Variants in KCNH7 observed in about 807,000 individuals in gnomAD.
KCNH7 encodes potassium voltage-gated channel subfamily H member 7.
KCNH7 carries 49 observed loss-of-function variants against 120.8 expected under a neutral mutation model. That is an observed-to-expected ratio of 0.41 (90% CI 0.32 to 0.51). KCNH7 has a LOEUF of 0.51. KCNH7 is among the 20% of genes least tolerant of loss of function. The pLI is 0.38. For synonymous variants in KCNH7, 547 were observed against 516.1 expected, an observed-to-expected ratio of 1.06 and a Z score of -0.81; for missense variants, 1,097 against 1,446.6, an observed-to-expected ratio of 0.76 and a Z score of 3.92.
At chr2:162,470,123 C>T (rs1292794082) in intron 6 of KCNH7, among the ~76,000 whole-genome samples, 7 of 152,288 alleles carry the variant, frequency 4.6e-5, no homozygotes, top group East Asian at 3.9e-4. Context: ...TCTACCCGGC[C>T]GCCACCCCGT....
chr2:162,412,254 A>G (rs1326553191), intron 9 of KCNH7, among the ~76,000 whole-genome samples: 2 of 152,118 alleles, frequency 1.3e-5, no homozygotes, highest in African/African-American at 4.8e-5. Context: ...GATATTTCAC[A>G]ATAAAGGTAA....
intron 9 of KCNH7, among the ~76,000 whole-genome samples, chr2:162,403,160 T>A (rs1687113107): frequency 6.6e-6 from 1 of 151,910 alleles, no homozygotes; most frequent in African/African-American, 2.4e-5. Context: ...TGGTCCAAAT[T>A]TATTGTTTCT....
intron 2 of KCNH7, among the ~76,000 whole-genome samples, chr2:162,582,377 C>G (rs754758238): frequency 2.0e-5 from 3 of 152,106 alleles, no homozygotes; most frequent in Admixed American, 6.5e-5. Flanking sequence ...AGCATTTAAC[C>G]CTTTAGTAGT....
chr2:162,423,986 C>A (rs1687783338), intron 8 of KCNH7, among the ~76,000 whole-genome samples: 1 of 152,032 alleles, frequency 6.6e-6, no homozygotes, highest in South Asian at 2.1e-4. Flanking sequence ...TTATTTCTGC[C>A]TTTCAGCCTC....
intron 2 of KCNH7, among the ~76,000 whole-genome samples, chr2:162,712,669 T>C (rs528996110): frequency 6.6e-5 from 10 of 152,312 alleles, no homozygotes; most frequent in Admixed American, 6.5e-4. Context: ...ATATCTATAG[T>C]GTCCTTTTTA....
At chr2:162,783,007 G>A (rs561668683) in intron 2 of KCNH7, among the ~76,000 whole-genome samples, 5 of 152,290 alleles carry the variant, frequency 3.3e-5, no homozygotes, top group African/African-American at 9.6e-5. Context: ...AGAGACACCT[G>A]GTGGGTCCTA....
chr2:162,711,003 A>T (rs535696516), intron 2 of KCNH7, among the ~76,000 whole-genome samples: 1 of 152,330 alleles, frequency 6.6e-6, no homozygotes, highest in Admixed American at 6.5e-5. Context: ...AACCACAGAA[A>T]AAAAAACTTA....
chr2:162,820,070 C>T (rs532804539), intron 2 of KCNH7, among the ~76,000 whole-genome samples: 8 of 126,760 alleles, frequency 6.3e-5, no homozygotes, highest in African/African-American at 2.5e-4. Context: ...GGTGGAGTCT[C>T]GCCCTGTCGC....
At chr2:162,677,046 G>T (rs1404593657) in intron 2 of KCNH7, among the ~76,000 whole-genome samples, 1 of 151,334 alleles carries the variant, frequency 6.6e-6, no homozygotes, top group Non-Finnish European at 1.5e-5. Context: ...CCCTTAACTT[G>T]TGTAATTGTT....
At position 162,537,092 on chromosome 2, in the gene KCNH7, A is replaced by G. The variant is rs779178062; in HGVS notation, c.308-12T>C. 1 of 1,585,668 alleles carries G rather than the reference A, an allele frequency of 6.3e-7. No individual in the cohort carries two copies. Among genetic ancestry groups the G allele is most frequent in the Non-Finnish European group, 8.6e-7 (1 of 1,160,494 alleles). ...AATAAAAGTGGACCCTAAGGAGATTAAAAATGAATGTTAGTTAAAAATATG... is the reference window on the plus strand; with the variant it reads ...AATAAAAGTGGACCCTAAGGAGATTGAAAATGAATGTTAGTTAAAAATATG... On this transcript the variant is annotated splice_polypyrimidine_tract_variant and intron_variant, in intron 2 of 15. Coordinates refer to ENST00000332142, the MANE Select transcript of KCNH7 (RefSeq NM_033272.4).
chr2:162,548,783 A>G (rs966852136), intron 2 of KCNH7, among the ~76,000 whole-genome samples: 1 of 152,230 alleles, frequency 6.6e-6, no homozygotes, highest in African/African-American at 2.4e-5. Flanking sequence ...TGTAAAATGG[A>G]TATGATAGTG....
At chr2:162,430,632 C>G (rs1317075760) in intron 8 of KCNH7, among the ~76,000 whole-genome samples, 1 of 151,962 alleles carries the variant, frequency 6.6e-6, no homozygotes, top group African/African-American at 2.4e-5. Flanking sequence ...TATTAATTTT[C>G]CAGTGCCTGA....
At chr2:162,700,103 T>G (rs973866061) in intron 2 of KCNH7, among the ~76,000 whole-genome samples, 1 of 152,164 alleles carries the variant, frequency 6.6e-6, no homozygotes, top group Non-Finnish European at 1.5e-5. Context: ...CTTCGTGTAT[T>G]TCCTTTCCTT....
intron 2 of KCNH7, among the ~76,000 whole-genome samples, chr2:162,581,248 A>G (rs1693856318): frequency 6.6e-6 from 1 of 152,072 alleles, no homozygotes; most frequent in Non-Finnish European, 1.5e-5. Flanking sequence ...AGGCAGATAG[A>G]CCCAAATTTT....
intron 2 of KCNH7, among the ~76,000 whole-genome samples, chr2:162,651,263 T>C (rs936047879): frequency 4.6e-5 from 7 of 152,220 alleles, no homozygotes; most frequent in Admixed American, 2.0e-4. Flanking sequence ...GTTTGCTACA[T>C]AGGTAAATTT....
intron 2 of KCNH7, among the ~76,000 whole-genome samples, chr2:162,659,424 C>T (rs1053295644): frequency 2.0e-5 from 3 of 151,788 alleles, no homozygotes; most frequent in South Asian, 2.1e-4. Flanking sequence ...TCACTGCAAC[C>T]TTTGCTTCCC....
intron 2 of KCNH7, among the ~76,000 whole-genome samples, chr2:162,584,900 G>A (rs1216332382): frequency 7.3e-6 from 1 of 137,050 alleles, no homozygotes; most frequent in Non-Finnish European, 1.5e-5. Context: ...TCAATCCCCA[G>A]CTTTTTTTTT....
At chr2:162,558,014 C>G (rs1692918047) in intron 2 of KCNH7, among the ~76,000 whole-genome samples, 1 of 152,126 alleles carries the variant, frequency 6.6e-6, no homozygotes, top group South Asian at 2.1e-4. Flanking sequence ...CATCTGTGTA[C>G]CGTGCAATTT....
chr2:162,608,777 A>T lies in KCNH7; in HGVS notation c.308-71697T>A, dbSNP rs1682865554. On this transcript the variant is annotated intron_variant, in intron 2 of 15. Coordinates refer to ENST00000332142, the MANE Select transcript of KCNH7 (RefSeq NM_033272.4). ...GTTATTTAACTAATGAAGCCACAGC[A>T]TTCTGTCTACCTCATACACCTGGCA... Among the ~76,000 whole-genome samples, 5 of 152,174 alleles carry T rather than the reference A, an allele frequency of 3.3e-5. No homozygotes were observed. The South Asian group carries it at 1.0e-3, about 32-fold the overall frequency.
Sources: gnomAD v4.1 joint callset for allele counts (sites outside exome capture counted in the v4.1 genomes callset) on GRCh38, gnomAD v4.1.1 for gene constraint, MANE v1.5 for transcripts, NCBI Gene and HGNC (gene_info 2026-07-23, HGNC 2026-07-21) for gene names.